Variants in NCKAP5 observed in about 807,000 individuals in gnomAD.
The protein encoded by NCKAP5 is NCK associated protein 5.
A neutral mutation model predicts 167.0 loss-of-function variants in NCKAP5; 92 were observed. The ratio of observed to expected loss-of-function variants is 0.55; its 90% CI spans 0.47 to 0.66. NCKAP5 has a LOEUF of 0.66. Ranked by LOEUF, NCKAP5 falls within the 30% of genes least tolerant of loss-of-function variation. The pLI, the probability that NCKAP5 is intolerant of heterozygous loss-of-function variation, is 0.00. For synonymous variants in NCKAP5, 891 were observed against 877.4 expected, an observed-to-expected ratio of 1.02 and a Z score of -0.27; for missense variants, 2,378 against 2,315.0, an observed-to-expected ratio of 1.03 and a Z score of -0.56.
intron 3 of NCKAP5, among the ~76,000 whole-genome samples, chr2:133,429,390 T>A (rs1559478533): frequency 6.6e-6 from 1 of 152,042 alleles, no homozygotes; most frequent in Non-Finnish European, 1.5e-5. Context: ...GAGATTCTAA[T>A]GATCCTATCA....
Position 132,920,809 on chromosome 2 carries a change from A to G in NCKAP5, c.580-41893T>C, listed in dbSNP as rs201390115. On this transcript the variant is annotated intron_variant, in intron 8 of 19. Coordinates refer to ENST00000409261, the MANE Select transcript of NCKAP5 (RefSeq NM_207363.3). ...TATATATATATATATATATATATAT[A>G]TATATATATGGAAGAACTAGGTTGT... Among the ~76,000 whole-genome samples, 94 of 107,092 alleles carry G rather than the reference A, an allele frequency of 8.8e-4. 4 individuals are homozygous for G. The East Asian group carries it at 0.021, about 24-fold the overall frequency. The allele number at this position is 107,092 out of a possible 152,430, so 70.3% of individuals were successfully genotyped here.
At chr2:133,230,217 C>T (rs1034504434) in intron 4 of NCKAP5, among the ~76,000 whole-genome samples, 2 of 152,118 alleles carry the variant, frequency 1.3e-5, no homozygotes, top group South Asian at 2.1e-4. Context: ...GAGCAGCTGA[C>T]CCACCACAGG....
At chr2:133,005,310 C>G (rs2077926349) in intron 6 of NCKAP5, among the ~76,000 whole-genome samples, 1 of 152,176 alleles carries the variant, frequency 6.6e-6, no homozygotes, top group African/African-American at 2.4e-5. Flanking sequence ...ATTTGGGGAA[C>G]TGATAAATGT....
chr2:133,411,388 T>C (rs59112049), intron 3 of NCKAP5, among the ~76,000 whole-genome samples: 6,899 of 152,212 alleles, frequency 0.045, 472 homozygotes, highest in African/African-American at 0.15. Flanking sequence ...GACTGGAGAA[T>C]GTGCCACTAA....
intron 4 of NCKAP5, among the ~76,000 whole-genome samples, chr2:133,294,215 G>A (rs1298472236): frequency 2.0e-5 from 3 of 152,140 alleles, no homozygotes; most frequent in African/African-American, 7.2e-5. Context: ...TTCATGCAGA[G>A]CAATTTTACT....
At position 133,541,224 on chromosome 2, in the gene NCKAP5, A is replaced by C. The variant is rs555131489; in HGVS notation, c.-62+17826T>G. On this transcript the variant is annotated intron_variant, in intron 2 of 19. Coordinates refer to ENST00000409261, the MANE Select transcript of NCKAP5 (RefSeq NM_207363.3). The stretch of plus-strand genomic sequence containing the variant: ...AATCCTTTTGAAGGTAACTTCATGA[A>C]TTTTTGTCTCATTGTCTTTCCTACT... Among the ~76,000 whole-genome samples the C allele has an allele frequency of 2.0e-5, 3 of 151,956 alleles. No homozygotes were observed. The South Asian group carries it at 6.2e-4, about 31-fold the overall frequency.
chr2:132,951,016 C>G (rs1408817798), intron 8 of NCKAP5, among the ~76,000 whole-genome samples: 1 of 152,190 alleles, frequency 6.6e-6, no homozygotes, highest in East Asian at 1.9e-4. Context: ...GGAAAAGACT[C>G]TATCTTGGGA....
chr2:133,153,707 T>C (rs1190413103), intron 5 of NCKAP5, among the ~76,000 whole-genome samples: 1 of 152,024 alleles, frequency 6.6e-6, no homozygotes, highest in Non-Finnish European at 1.5e-5. Flanking sequence ...CATATCTCCA[T>C]GCTTTCCTAC....
intron 6 of NCKAP5, among the ~76,000 whole-genome samples, chr2:133,047,545 T>G (rs2079444937): frequency 6.6e-6 from 1 of 152,252 alleles, no homozygotes; most frequent in Non-Finnish European, 1.5e-5. Flanking sequence ...GCTATCATTT[T>G]TTGAAAATAA....
intron 8 of NCKAP5, among the ~76,000 whole-genome samples, chr2:132,900,998 A>G (rs1356266593): frequency 1.3e-5 from 2 of 149,994 alleles, no homozygotes; most frequent in Non-Finnish European, 3.0e-5. Flanking sequence ...AAAAAAAAGA[A>G]CACCAGAACT....
intron 11 of NCKAP5, among the ~76,000 whole-genome samples, chr2:132,854,300 C>A (rs1416982888): frequency 6.6e-6 from 1 of 152,098 alleles, no homozygotes; most frequent in Non-Finnish European, 1.5e-5. Flanking sequence ...AAAAAACACA[C>A]CCCTCAATTG....
intron 3 of NCKAP5, among the ~76,000 whole-genome samples, chr2:133,509,712 AGGGGTGCTCCT>A (rs1683315523): frequency 6.6e-6 from 1 of 152,174 alleles, no homozygotes; most frequent in Non-Finnish European, 1.5e-5. Context: ...ACAATGAGGG[AGGGGTGCTCCT>A]GGCATCCAAT....
chr2:133,233,827 G>A (rs1329663589), intron 4 of NCKAP5, among the ~76,000 whole-genome samples: 2 of 152,126 alleles, frequency 1.3e-5, no homozygotes, highest in Non-Finnish European at 2.9e-5. Context: ...CAACTGAGCA[G>A]CCCACACTCT....
intron 19 of NCKAP5, among the ~76,000 whole-genome samples, chr2:132,700,303 T>A (rs1175657769): frequency 1.3e-5 from 2 of 152,248 alleles, no homozygotes; most frequent in Admixed American, 6.5e-5. Flanking sequence ...TAGTTTCTTT[T>A]GCTGTGCCGA....
intron 3 of NCKAP5, among the ~76,000 whole-genome samples, chr2:133,512,850 T>C (rs1190774348): frequency 2.6e-5 from 4 of 152,062 alleles, no homozygotes; most frequent in Non-Finnish European, 4.4e-5. Context: ...AGCTCCCCCA[T>C]GGCCCCTCCA....
At chr2:132,863,929 T>A (rs1364478879) in intron 10 of NCKAP5, among the ~76,000 whole-genome samples, 1 of 152,202 alleles carries the variant, frequency 6.6e-6, no homozygotes, top group Admixed American at 6.5e-5. Context: ...ACTATTGTAG[T>A]ACCTGGATGG....
chr2:133,404,763 T>C (rs145158981), intron 3 of NCKAP5, among the ~76,000 whole-genome samples: 1 of 152,346 alleles, frequency 6.6e-6, no homozygotes, highest in East Asian at 1.9e-4. Context: ...CTCTTGACTT[T>C]TGGGATATTC....
intron 5 of NCKAP5, among the ~76,000 whole-genome samples, chr2:133,165,420 A>G (rs2083959317): frequency 6.6e-6 from 1 of 152,164 alleles, no homozygotes; most frequent in Non-Finnish European, 1.5e-5. Context: ...CATATTCAGT[A>G]TTGTTTATAG....
chr2:133,484,822 AT>A (rs2151326293), intron 3 of NCKAP5, among the ~76,000 whole-genome samples: 1 of 152,342 alleles, frequency 6.6e-6, no homozygotes, highest in South Asian at 2.1e-4. Context: ...AAAAATTGAA[AT>A]CTGAAAGACT....
Sources: allele counts gnomAD v4.1 joint callset (sites outside exome capture counted in the v4.1 genomes callset), GRCh38; gene constraint gnomAD v4.1.1; transcripts MANE v1.5; gene names NCBI Gene and HGNC (gene_info 2026-07-23, HGNC 2026-07-21).